Variants in NDUFAF6 observed in about 807,000 individuals in gnomAD.
NDUFAF6 encodes the protein NADH dehydrogenase (ubiquinone) complex I, assembly factor 6.
Under a neutral mutation model 40.8 loss-of-function variants are expected in NDUFAF6, and 45 were observed. The ratio of observed to expected loss-of-function variants is 1.10; its 90% CI spans 0.87 to 1.42. NDUFAF6 has a LOEUF of 1.42. Among genes scored for constraint, NDUFAF6 ranks in the 40% most tolerant of loss-of-function variants. NDUFAF6 has a pLI of 0.00. For missense variants in NDUFAF6, 435 were observed against 418.5 expected, an observed-to-expected ratio of 1.04 and a Z score of -0.34; for synonymous variants, 185 against 155.9, an observed-to-expected ratio of 1.19 and a Z score of -1.39.
downstream of NDUFAF6, among the ~76,000 whole-genome samples, chr8:95,105,634 T>A (rs1315539906): frequency 6.6e-6 from 1 of 152,154 alleles, no homozygotes; most frequent in Non-Finnish European, 1.5e-5. Context: ...TCTGAGTACC[T>A]GGGATTACAG....
At chr8:94,956,655 A>G (rs1475167145), upstream of NDUFAF6, among the ~76,000 whole-genome samples, 1 of 152,214 alleles carries the variant, frequency 6.6e-6, no homozygotes, top group African/African-American at 2.4e-5. Flanking sequence ...CGTAGTGGGT[A>G]GATGGAAGGC....
chr8:95,021,204 G>A (rs1016076659), upstream of NDUFAF6, among the ~76,000 whole-genome samples: 1 of 152,190 alleles, frequency 6.6e-6, no homozygotes, highest in Non-Finnish European at 1.5e-5. Context: ...CCTCTGTGTA[G>A]CTCTCTTGGG....
chr8:94,918,851 T>C (rs1474190188), intron 1 of NDUFAF6, among the ~76,000 whole-genome samples: 1 of 152,236 alleles, frequency 6.6e-6, no homozygotes, highest in African/African-American at 2.4e-5. Context: ...GACCAACTGA[T>C]ACAATTCATT....
downstream of NDUFAF6, among the ~76,000 whole-genome samples, chr8:95,107,119 CA>C (rs1429069614): frequency 6.6e-6 from 1 of 152,170 alleles, no homozygotes; most frequent in Non-Finnish European, 1.5e-5. Context: ...TTTGTCCCAG[CA>C]ACCCATTACT....
intron 6 of NDUFAF6, among the ~76,000 whole-genome samples, chr8:95,047,421 G>A (rs914538949): frequency 4.6e-5 from 7 of 151,006 alleles, no homozygotes; most frequent in Admixed American, 6.6e-5. Context: ...TATTCCTAGC[G>A]TTCACCTTAG....
chr8:95,058,336 G>C lies in NDUFAF6; in HGVS notation c.*399G>C. 1 of 1,249,250 alleles carries C rather than the reference G, an allele frequency of 8.0e-7. No individual in the cohort carries two copies. Among genetic ancestry groups the C allele is most frequent in the Admixed American group, 3.9e-5 (1 of 25,762 alleles). The allele number at this position is 1,249,250 out of a possible 1,614,324, so 77.4% of individuals were successfully genotyped here. A position where few individuals can be genotyped will look rare whatever the true frequency, so the allele number is the denominator to read the frequency against. On this transcript the variant is annotated 3_prime_UTR_variant, in exon 9 of 9. Transcript: ENST00000396124. ...ATCATAGGGGCTTACATGCTGAGCA[G>C]CTATAACCTAGGTGTTCAGAACACC...
intron 2 of NDUFAF6, among the ~76,000 whole-genome samples, chr8:94,990,725 C>T (rs1378116946): frequency 6.6e-6 from 1 of 152,200 alleles, no homozygotes; most frequent in Non-Finnish European, 1.5e-5. Context: ...AGGATTTCCT[C>T]ATGACAGGGA....
intron 7 of NDUFAF6, among the ~76,000 whole-genome samples, chr8:95,051,707 TAAA>T (rs1831452207): frequency 6.6e-6 from 1 of 152,010 alleles, no homozygotes; most frequent in Admixed American, 6.6e-5. Flanking sequence ...ATCAGGGAAT[TAAA>T]GAAGGTAAAA....
chr8:94,960,082 G>C (rs777259379), intron 1 of NDUFAF6, among the ~76,000 whole-genome samples: 1 of 152,210 alleles, frequency 6.6e-6, no homozygotes, highest in Non-Finnish European at 1.5e-5. Flanking sequence ...ACTTAACCAA[G>C]ACATATACAA....
intron 2 of NDUFAF6, among the ~76,000 whole-genome samples, chr8:95,011,895 A>G (rs897658445): frequency 3.3e-5 from 5 of 152,168 alleles, no homozygotes; most frequent in Admixed American, 6.5e-5. Context: ...TTTAAAACCA[A>G]ATGGGCATGC....
intron 2 of NDUFAF6, among the ~76,000 whole-genome samples, chr8:94,985,500 TA>T (rs1825791360): frequency 4.5e-4 from 4 of 8,822 alleles, no homozygotes; most frequent in African/African-American, 1.9e-3. Context: ...TATATATATA[TA>T]TATATATATA....
chr8:95,047,633 C>A (rs1350997304), intron 6 of NDUFAF6, among the ~76,000 whole-genome samples: 2 of 151,398 alleles, frequency 1.3e-5, no homozygotes, highest in African/African-American at 4.9e-5. Context: ...CCTCGGCCTC[C>A]CAAGTAGCTG....
At chr8:94,953,350 A>AAG (rs1391826281), upstream of NDUFAF6, among the ~76,000 whole-genome samples, 119 of 137,740 alleles carry the variant, frequency 8.6e-4, no homozygotes, top group African/African-American at 3.4e-3. Flanking sequence ...CCATCTCAAG[A>AAG]AAAAAAAAAA....
intron 1 of NDUFAF6, among the ~76,000 whole-genome samples, chr8:94,901,595 A>G (rs1818020360): frequency 6.6e-6 from 1 of 151,918 alleles, no homozygotes; most frequent in South Asian, 2.1e-4. Context: ...TATTATTATT[A>G]TTTTGAGACA....
intron 8 of NDUFAF6, among the ~76,000 whole-genome samples, chr8:95,056,110 G>A (rs1419029137): frequency 6.6e-6 from 1 of 151,930 alleles, no homozygotes; most frequent in East Asian, 1.9e-4. Context: ...CACTCTTAAT[G>A]TTTCTGAGAT....
intron 1 of NDUFAF6, among the ~76,000 whole-genome samples, chr8:94,915,120 A>AT (rs562630491): frequency 3.1e-4 from 46 of 146,700 alleles, no homozygotes; most frequent in African/African-American, 4.2e-4. Context: ...CGCATCTTAA[A>AT]TTTTTTTTTT....
chr8:95,025,311 T>G (rs1827969945), intron 1 of NDUFAF6, 106 bp downstream of exon 1: 56 of 1,155,786 alleles, frequency 4.8e-5, no homozygotes, highest in Non-Finnish European at 6.3e-5. Flanking sequence ...ACCGGCGCCT[T>G]CCTCGTGCCC....
intron 1 of NDUFAF6, among the ~76,000 whole-genome samples, chr8:94,943,718 A>C (rs1438080055): frequency 6.6e-6 from 1 of 152,226 alleles, no homozygotes; most frequent in East Asian, 1.9e-4. Flanking sequence ...TTGGCACACT[A>C]CTACACAAGT....
At chr8:95,051,120 G>T (rs1298967399) in intron 7 of NDUFAF6, among the ~76,000 whole-genome samples, 3 of 152,106 alleles carry the variant, frequency 2.0e-5, no homozygotes, top group Non-Finnish European at 4.4e-5. Flanking sequence ...ATATATTTGG[G>T]AGTCATCCAC....
Sources: gnomAD v4.1 joint callset for allele counts (sites outside exome capture counted in the v4.1 genomes callset) on GRCh38, gnomAD v4.1.1 for gene constraint, MANE v1.5 for transcripts, NCBI Gene and HGNC (gene_info 2026-07-23, HGNC 2026-07-21) for gene names.